Variants in TIE1 observed in about 807,000 individuals in gnomAD.
TIE1 encodes the protein tyrosine-protein kinase receptor Tie-1.
In TIE1, 89 loss-of-function variants were observed where a neutral mutation model predicts 130.5. That is an observed-to-expected ratio of 0.68 (90% confidence interval 0.57 to 0.81). The LOEUF (loss-of-function observed/expected upper bound fraction) is 0.81. TIE1 is among the 40% of genes least tolerant of loss of function. The probability of loss-of-function intolerance (pLI) is 0.00; values close to 1 mark genes in which losing one functional copy is unlikely to be tolerated. For synonymous variants in TIE1, 568 were observed against 629.4 expected, an observed-to-expected ratio of 0.90 and a Z score of 1.46; for missense variants, 1,392 against 1,559.8, an observed-to-expected ratio of 0.89 and a Z score of 1.81.
At position 43,319,645 on chromosome 1, in the gene TIE1, C is replaced by CCACA; in HGVS notation, c.3107+118_3107+119insCACA. 9.4e-7 allele frequency: 1 copy of CCACA among 1,058,838 alleles called. No individual in the cohort carries two copies. Among genetic ancestry groups the CCACA allele is most frequent in the Non-Finnish European group, 1.5e-6 (1 of 689,030 alleles). 65.6% of individuals were successfully genotyped at this position (1,058,838 alleles called of 1,614,324 possible). ...TCTAAGGCATGACCTGGGCTGTGTT[C>CCACA]CAGGTGTGACACAGGTGTGTCTTGG... is the stretch of plus-strand genomic sequence containing the variant. On this transcript the variant is annotated intron_variant, in intron 19 of 22. Coordinates refer to ENST00000372476, the MANE Select transcript of TIE1 (RefSeq NM_005424.5). This position sits in a 1 kb window ranked among gnomAD's most constrained non-coding sequence, Gnocchi z 4.7.
chr1:43,311,785 A>G lies in TIE1; in HGVS notation c.1448A>G (p.His483Arg). 1.2e-6 allele frequency: 2 copies of G among 1,614,074 alleles called. No individual in the cohort carries two copies. The highest frequency in any genetic ancestry group is 1.7e-6 in the Non-Finnish European group (2 of 1,179,984). ...GGACCCATCTCCACTGTCCGCCTGC[A>G]CTACCGGCCCCAGGACAGTACCATG... ...GDGPISTVRL[H>R]YRPQDSTMDW... is the part of the protein sequence containing the mutation. The change falls in exon 10 of 23, where the codon CAC becomes CGC. Residue 483 changes from histidine to arginine, a missense_variant. This residue lies in a region of TIE1 where 551 missense variants were observed against 565.5 expected (regional missense o/e 0.97). Transcript: ENST00000372476.
At position 43,319,058 on chromosome 1, in the gene TIE1, G is replaced by A. The variant is rs1646888350; in HGVS notation, c.2923-177G>A. Among the ~76,000 whole-genome samples the A allele has an allele frequency of 1.3e-5, 2 of 152,154 alleles. No individual in the cohort carries two copies. The highest frequency in any genetic ancestry group is 4.8e-5 in the African/African-American group (2 of 41,422). On this transcript the variant is annotated intron_variant, in intron 17 of 22. Transcript: ENST00000372476. The surrounding 1 kb of genome is among the most constrained non-coding windows in gnomAD (Gnocchi z 4.7). ...GGTCAGGGCCCAGGAACGAGCGGGT[G>A]AGAGCCAACACTGATCTTTCTCAGA... is the stretch of plus-strand genomic sequence containing the variant.
chr1:43,310,193 ACT>A (rs1325759583), intron 9 of TIE1, among the ~76,000 whole-genome samples: 1 of 149,966 alleles, frequency 6.7e-6, no homozygotes, highest in Non-Finnish European at 1.5e-5. Context: ...TCGTTGCCAC[ACT>A]CTGCCTCCCA....
At position 43,313,241 on chromosome 1, in the gene TIE1, TG is replaced by T. The variant is rs1253168677; in HGVS notation, c.2035del (p.Val679TrpfsTer15). 1 of 1,613,840 alleles carries T rather than the reference TG, an allele frequency of 6.2e-7. No individual in the cohort carries two copies. Among genetic ancestry groups the T allele is most frequent in the Middle Eastern group, 1.7e-4 (1 of 6,056 alleles). ...ALPGPISKYV[V>X]EVQVAGGAGD... is the part of the protein sequence containing the mutation. ...TGCCTGGGCCAATATCCAAGTACGT[TG>T]TGGAGGTGCAGGTGGCTGGGGGTGC... is the stretch of plus-strand genomic sequence containing the variant. On this transcript the variant is annotated frameshift_variant, in exon 13 of 23. Transcript: ENST00000372476. LOFTEE classifies it high-confidence loss of function. The surrounding 1 kb of genome is among the most constrained non-coding windows in gnomAD (Gnocchi z 6.2).
chr1:43,321,555 T>A, intron 21 of TIE1, 61 bp from the exon 22 acceptor site: 1 of 1,561,142 alleles, frequency 6.4e-7, no homozygotes, highest in Non-Finnish European at 8.7e-7. Context: ...TCAGCTTTGA[T>A]CCCTGTGACC....
chr1:43,305,182 G>T lies in TIE1; in HGVS notation c.373+17G>T, dbSNP rs774712416. ...GCCCTGGAGGTGAGTTAGGCAGGCGGGGGGATGGCGCGGGGAAAACCAGGC... is the reference window on the plus strand; with the variant it reads ...GCCCTGGAGGTGAGTTAGGCAGGCGTGGGGATGGCGCGGGGAAAACCAGGC... On this transcript the variant is annotated intron_variant, in intron 2 of 22. Transcript: ENST00000372476. 1.2e-6 allele frequency: 2 copies of T among 1,614,004 alleles called. No homozygotes were observed. Among genetic ancestry groups the T allele is most frequent in the African/African-American group, 1.3e-5 (1 of 75,042 alleles).
rs1646710626 is a variant in TIE1 at position 43,304,994 on chromosome 1, C to G, written c.202C>G (p.Arg68Gly). Residue 68 changes from arginine (R) to glycine (G), a missense_variant, in exon 2 of 23, where the codon CGT becomes GGT. By Grantham distance (125) the Arg-to-Gly change is moderately radical. Transcript: ENST00000372476. The part of the protein sequence containing the change: ...GPPLLLEKDD[R>G]IVRTPPGPPL... ...GCCCCTGCTGCTGGAGAAGGACGAC[C>G]GTATCGTGCGCACCCCGCCCGGGCC... The G allele has an allele frequency of 6.6e-7, 1 of 1,517,554 alleles. No individual in the cohort carries two copies. The highest frequency in any genetic ancestry group is 1.8e-4 in the Middle Eastern group (1 of 5,640). The allele number at this position is 1,517,554 out of a possible 1,614,324, so 94.0% of individuals were successfully genotyped here.
chr1:43,306,035 G>A lies in TIE1; in HGVS notation c.484+692G>A, dbSNP rs190102767. Reference sequence around the variant, plus strand: ...GTGAATTGACAGGAAATGTGAAGAGGCACAGGCAGACCTGGGTCTCTAGGC... The same window carrying A: ...GTGAATTGACAGGAAATGTGAAGAGACACAGGCAGACCTGGGTCTCTAGGC... On this transcript the variant is annotated intron_variant, in intron 3 of 22. Transcript: ENST00000372476. This position sits in a 1 kb window ranked among gnomAD's most constrained non-coding sequence, Gnocchi z 4.9. Among the ~76,000 whole-genome samples the A allele has an allele frequency of 2.9e-4, 44 of 152,314 alleles. 1 individual carries two copies. Among genetic ancestry groups the A allele is most frequent in the Admixed American group, 1.6e-3 (24 of 15,306 alleles).
At chr1:43,301,628 T>C (rs942097898) in intron 1 of TIE1, among the ~76,000 whole-genome samples, 1 of 152,152 alleles carries the variant, frequency 6.6e-6, no homozygotes. Flanking sequence ...TCCCGGCACT[T>C]TGGGAGGCCG....
In TIE1 at chr1:43,311,819, G is replaced by A. The variant is rs145245556; in HGVS notation, c.1482G>A (p.Ser494=). The A allele has an allele frequency of 3.3e-5, 54 of 1,613,122 alleles. No individual in the cohort carries two copies. In the African/African-American group the frequency reaches 5.5e-4, roughly 16 times the overall value. Residue 494 remains serine, a synonymous_variant, in exon 10 of 23, where the codon TCG becomes TCA. Transcript: ENST00000372476. Reference sequence around the variant, plus strand: ...CCCAGGACAGTACCATGGACTGGTCGACCATTGTGGGTGAGTAGGGAGAGA... The same window carrying A: ...CCCAGGACAGTACCATGGACTGGTCAACCATTGTGGGTGAGTAGGGAGAGA... The part of the protein sequence containing the change: ...YRPQDSTMDW[S]TIVVDPSENV...
intron 1 of TIE1, 128 bp from the exon 2 acceptor site, chr1:43,304,722 AG>A: frequency 1.0e-6 from 1 of 964,420 alleles, no homozygotes; most frequent in Non-Finnish European, 1.4e-6. Context: ...GGGAAGGAAG[AG>A]GGGTGAAGGT....
chr1:43,312,327 G>T lies in TIE1; in HGVS notation c.1653G>T (p.Leu551Phe). 1 of 1,554,838 alleles carries T rather than the reference G, an allele frequency of 6.4e-7. No individual in the cohort carries two copies. Residue 551 changes from leucine to phenylalanine, a missense_variant, in exon 12 of 23, where the codon TTG becomes TTT. Transcript: ENST00000372476. The surrounding 1 kb of genome is among the most constrained non-coding windows in gnomAD (Gnocchi z 5.6). ...CAGAGCCTTTGTTGCAGCCGTGGTTGGAGGGCTGGCATGTGGAAGGCACTG... is the reference window on the plus strand; with the variant it reads ...CAGAGCCTTTGTTGCAGCCGTGGTTTGAGGGCTGGCATGTGGAAGGCACTG... ...DCPEPLLQPW[L>F]EGWHVEGTDR...
At position 43,312,131 on chromosome 1, in the gene TIE1, G is replaced by C; in HGVS notation, c.1630G>C (p.Glu544Gln). 6.5e-7 allele frequency: 1 copy of C among 1,543,432 alleles called. No homozygotes were observed. Among genetic ancestry groups the C allele is most frequent in the Non-Finnish European group, 8.7e-7 (1 of 1,144,782 alleles). ...CACCCTCATGACCACAGACTGTCCT[G>C]GTGAGAGGCCAAGAGTCATCCCTTC... ...PPTLMTTDCPEPLLQPWLEGW... is the reference protein window; with the variant it reads ...PPTLMTTDCPQPLLQPWLEGW... The change falls in exon 11 of 23, where the codon GAG becomes CAG. Residue 544 changes from glutamate to glutamine, a missense_variant and splice_region_variant. By Grantham distance (29) the Glu-to-Gln change is conservative. This residue lies in a region of TIE1 where 551 missense variants were observed against 565.5 expected (regional missense o/e 0.97). Coordinates refer to ENST00000372476, the MANE Select transcript of TIE1 (RefSeq NM_005424.5). This position sits in a 1 kb window ranked among gnomAD's most constrained non-coding sequence, Gnocchi z 5.6.
In TIE1 at chr1:43,312,111, T is replaced by C. The variant is rs1646802670; in HGVS notation, c.1610T>C (p.Leu537Pro). Reference protein sequence around the residue: ...GGEGAWGPPTLMTTDCPEPLL... With the variant: ...GGEGAWGPPTPMTTDCPEPLL... ...GAGGGGGCCTGGGGGCCTCCCACCC[T>C]CATGACCACAGACTGTCCTGGTGAG... The change falls in exon 11 of 23, where the codon CTC becomes CCC. Residue 537 changes from leucine to proline, a missense_variant. By Grantham distance (98) the Leu-to-Pro change is moderately conservative. Transcript: ENST00000372476. This position sits in a 1 kb window ranked among gnomAD's most constrained non-coding sequence, Gnocchi z 5.6. The C allele has an allele frequency of 3.8e-6, 6 of 1,573,158 alleles. No individual in the cohort carries two copies. The highest frequency in any genetic ancestry group is 3.5e-6 in the Non-Finnish European group (4 of 1,158,806).
Position 43,306,772 on chromosome 1 carries a change from G to C in TIE1, c.485-68G>C. ...GGCTCATTGATGTGAGCTGAGCAGAGGTGGACAGAGAGAGGTGACACAGCC... is the reference window on the plus strand; with the variant it reads ...GGCTCATTGATGTGAGCTGAGCAGACGTGGACAGAGAGAGGTGACACAGCC... On this transcript the variant is annotated intron_variant, in intron 3 of 22. Transcript: ENST00000372476. This position sits in a 1 kb window ranked among gnomAD's most constrained non-coding sequence, Gnocchi z 4.9. The C allele has an allele frequency of 6.5e-7, 1 of 1,533,706 alleles. No homozygotes were observed. The highest frequency in any genetic ancestry group is 8.8e-7 in the Non-Finnish European group (1 of 1,138,004).
Position 43,307,242 on chromosome 1 carries a change from C to A in TIE1, c.741C>A (p.Pro247=), listed in dbSNP as rs146557879. The A allele has an allele frequency of 9.3e-6, 15 of 1,614,110 alleles. No homozygotes were observed. The South Asian group carries it at 1.6e-4, about 18-fold the overall frequency. ...ACCATGACGGCGAATGTGTATGCCC[C>A]CCTGGCTTCACTGGCACCCGCTGTG... ...CHDHDGECVC[P]PGFTGTRCEQ... is the part of the protein sequence containing the mutation. The change falls in exon 5 of 23, where the codon CCC becomes CCA. Residue 247 remains proline (P), a synonymous_variant. Transcript: ENST00000372476. This position sits in a 1 kb window ranked among gnomAD's most constrained non-coding sequence, Gnocchi z 5.4.
chr1:43,315,198 T>G lies in TIE1; in HGVS notation c.2409+1230T>G, dbSNP rs1646847760. 6.6e-6 allele frequency: 1 copy of G among 152,286 alleles called. No individual in the cohort carries two copies. The highest frequency in any genetic ancestry group is 6.5e-5 in the Admixed American group (1 of 15,288). The allele number at this position is 152,286 out of a possible 1,614,324, so 9.4% of individuals were successfully genotyped here. A position where few individuals can be genotyped will look rare whatever the true frequency, so the allele number is the denominator to read the frequency against. ...CTGAGGGCTTCTTCATTGTCGTCACTTAGGATCTGAACTCTGTCCTTGGCC... is the reference window on the plus strand; with the variant it reads ...CTGAGGGCTTCTTCATTGTCGTCACGTAGGATCTGAACTCTGTCCTTGGCC... On this transcript the variant is annotated intron_variant, in intron 14 of 22. Coordinates refer to ENST00000372476, the MANE Select transcript of TIE1 (RefSeq NM_005424.5). This position sits in a 1 kb window ranked among gnomAD's most constrained non-coding sequence, Gnocchi z 4.4.
rs1463048099 is a variant in TIE1, at chr1:43,315,855, C to A, written c.2410-1344C>A. Among the ~76,000 whole-genome samples, 1 of 151,998 alleles carries A rather than the reference C, an allele frequency of 6.6e-6. No individual in the cohort carries two copies. Among genetic ancestry groups the A allele is most frequent in the Non-Finnish European group, 1.5e-5 (1 of 68,006 alleles). ...ATACTCTATATCAAGATATATCCCC[C>A]TAGCCTGGGCAACATGGCAAAACCC... is the stretch of plus-strand genomic sequence containing the variant. On this transcript the variant is annotated intron_variant, in intron 14 of 22. Coordinates refer to ENST00000372476, the MANE Select transcript of TIE1 (RefSeq NM_005424.5). This position sits in a 1 kb window ranked among gnomAD's most constrained non-coding sequence, Gnocchi z 4.4.
At position 43,301,024 on chromosome 1, in the gene TIE1, GA is replaced by G; in HGVS notation, c.-47del. 6.3e-7 allele frequency: 1 copy of G among 1,588,904 alleles called. No individual in the cohort carries two copies. The highest frequency in any genetic ancestry group is 1.1e-5 in the South Asian group (1 of 90,200). ...CTGAGCAGTCAGGCCCACAGCATCT[GA>G]CCCCAGGCCCAGCTCGTCCTGGCTG... On this transcript the variant is annotated 5_prime_UTR_variant, in exon 1 of 23. Transcript: ENST00000372476.
Sources: gnomAD v4.1 joint callset for allele counts (sites outside exome capture counted in the v4.1 genomes callset) on GRCh38, gnomAD v4.1.1 for gene constraint, gnomAD v4.1.1 regional missense constraint, Gnocchi (gnomAD v3.1) non-coding constraint, MANE v1.5 for transcripts, NCBI Gene and HGNC (gene_info 2026-07-23, HGNC 2026-07-21) for gene names.